CCSER1: variants seen among roughly 807,000 people sequenced by gnomAD.
CCSER1 encodes coiled-coil serine rich protein 1.
A neutral mutation model predicts 82.0 loss-of-function variants in CCSER1; 41 were observed. The ratio of observed to expected loss-of-function variants is 0.50; its 90% confidence interval spans 0.39 to 0.65. CCSER1 has a LOEUF of 0.65. Among genes scored for constraint, CCSER1 ranks in the 30% least tolerant of loss-of-function variants. The probability of loss-of-function intolerance (pLI) is 0.00; values close to 1 mark genes in which losing one functional copy is unlikely to be tolerated. For synonymous variants in CCSER1, 414 were observed against 383.9 expected (o/e 1.08, Z -0.92); for missense variants, 1,119 against 1,064.2 (o/e 1.05, Z -0.72).
chr4:91,557,966 A>G (rs1762479847), intron 10 of CCSER1, among the ~76,000 whole-genome samples: 1 of 151,312 alleles, frequency 6.6e-6, no homozygotes, highest in African/African-American at 2.4e-5. Flanking sequence ...AAAATACACA[A>G]AAAAAGATAT....
intron 7 of CCSER1, chr4:90,781,376 T>C (rs987127753): frequency 2.0e-6 from 2 of 985,316 alleles, no homozygotes; most frequent in Admixed American, 6.1e-5. Flanking sequence ...GAATCCTGGT[T>C]ACTGGGGCTT....
intron 4 of CCSER1, among the ~76,000 whole-genome samples, chr4:90,404,528 G>A (rs1205366947): frequency 6.6e-6 from 1 of 152,166 alleles, no homozygotes; most frequent in Non-Finnish European, 1.5e-5. Flanking sequence ...CTTCTTGAAA[G>A]TGTTACTTCC....
chr4:90,552,161 T>C (rs1777596751), intron 5 of CCSER1, among the ~76,000 whole-genome samples: 1 of 152,160 alleles, frequency 6.6e-6, no homozygotes, highest in Admixed American at 6.5e-5. Flanking sequence ...TACTATCACA[T>C]TGGCCATTAA....
rs955640813 is a variant in CCSER1 at position 90,781,342 on chromosome 4, A to G, written c.2011-34420A>G. 3.3e-5 allele frequency: 33 copies of G among 985,266 alleles called. No homozygotes were observed. The Admixed American group carries it at 5.5e-4, about 17-fold the overall frequency. 61.0% of individuals were successfully genotyped at this position (985,266 alleles called of 1,614,324 possible). A position where few individuals can be genotyped will look rare whatever the true frequency, so the allele number is the denominator to read the frequency against. On this transcript the variant is annotated intron_variant, in intron 7 of 10. Coordinates refer to ENST00000509176, the MANE Select transcript of CCSER1 (RefSeq NM_001145065.2). ...GTGATTCATCAAATATGAATGTGCA[A>G]ACCTCTTTTGTACTGTATCTGTGGA...
At chr4:91,140,048 T>C (rs1447430643) in intron 10 of CCSER1, among the ~76,000 whole-genome samples, 1 of 152,094 alleles carries the variant, frequency 6.6e-6, no homozygotes, top group Non-Finnish European at 1.5e-5. Context: ...TGCACAGAAA[T>C]AATGAAAAAT....
At chr4:90,169,339 T>G (rs1193951520) in intron 1 of CCSER1, among the ~76,000 whole-genome samples, 1 of 152,156 alleles carries the variant, frequency 6.6e-6, no homozygotes, top group Non-Finnish European at 1.5e-5. Context: ...ATCCTGAGAC[T>G]TTGCTGAAGT....
chr4:91,593,861 T>C (rs994003361), intron 10 of CCSER1, among the ~76,000 whole-genome samples: 14 of 152,184 alleles, frequency 9.2e-5, no homozygotes, highest in African/African-American at 3.4e-4. Context: ...TTGTTTTTCA[T>C]TTCTTAGTGG....
intron 10 of CCSER1, among the ~76,000 whole-genome samples, chr4:91,489,231 A>G (rs1189248073): frequency 1.3e-5 from 2 of 152,184 alleles, no homozygotes; most frequent in Non-Finnish European, 2.9e-5. Context: ...TAGAAGAGGT[A>G]TTGGGGTAGA....
chr4:91,518,970 C>T (rs899481297), intron 10 of CCSER1, among the ~76,000 whole-genome samples: 1 of 152,136 alleles, frequency 6.6e-6, no homozygotes, highest in African/African-American at 2.4e-5. Flanking sequence ...GAGGTTCCAG[C>T]GTATTGACTA....
intron 10 of CCSER1, among the ~76,000 whole-genome samples, chr4:91,260,184 C>T (rs1740995571): frequency 6.6e-6 from 1 of 152,146 alleles, no homozygotes; most frequent in Admixed American, 6.5e-5. Context: ...GGTGAGCTTA[C>T]ACTTTCTCCT....
At chr4:91,451,946 C>T (rs1755893167) in intron 10 of CCSER1, among the ~76,000 whole-genome samples, 1 of 151,980 alleles carries the variant, frequency 6.6e-6, no homozygotes, top group Non-Finnish European at 1.5e-5. Flanking sequence ...AAAAGGTACT[C>T]TGGACTGGGC....
At chr4:90,260,606 A>G (rs1724140173) in intron 1 of CCSER1, among the ~76,000 whole-genome samples, 1 of 152,152 alleles carries the variant, frequency 6.6e-6, no homozygotes. Context: ...TTTACATGGA[A>G]TATCTTTTTC....
At chr4:90,359,685 C>T (rs1196982099) in intron 3 of CCSER1, among the ~76,000 whole-genome samples, 4 of 151,116 alleles carry the variant, frequency 2.6e-5, no homozygotes, top group Non-Finnish European at 4.4e-5. Flanking sequence ...TGCAGTGAGC[C>T]GACATGTCAC....
At chr4:90,452,559 C>G (rs546972973) in intron 4 of CCSER1, among the ~76,000 whole-genome samples, 60 of 152,308 alleles carry the variant, frequency 3.9e-4, no homozygotes, top group African/African-American at 1.4e-3. Flanking sequence ...CCTTAGGTAC[C>G]CTATGGGGTG....
chr4:90,413,981 A>AATATATATATATATATATATATAT (rs70963066), intron 4 of CCSER1, among the ~76,000 whole-genome samples: 17 of 52,428 alleles, frequency 3.2e-4, no homozygotes, highest in African/African-American at 1.0e-3. Context: ...AAAAAAAAAA[A>AATATATATATATATATATATATAT]ATATATATAT....
chr4:91,268,409 T>G (rs1260454644), intron 10 of CCSER1, among the ~76,000 whole-genome samples: 1 of 152,198 alleles, frequency 6.6e-6, no homozygotes, highest in Admixed American at 6.5e-5. Context: ...ATCTCACAAA[T>G]CTGTTATTTT....
chr4:91,378,316 A>C (rs1168659918), intron 10 of CCSER1, among the ~76,000 whole-genome samples: 1 of 152,190 alleles, frequency 6.6e-6, no homozygotes, highest in Non-Finnish European at 1.5e-5. Context: ...TGTGGATGGC[A>C]TTGAATCTAT....
chr4:90,499,374 C>G (rs1310492775), intron 5 of CCSER1, among the ~76,000 whole-genome samples: 3 of 152,034 alleles, frequency 2.0e-5, no homozygotes, highest in Admixed American at 2.0e-4. Context: ...CTGCCCTTAC[C>G]AATGCTGAAG....
intron 10 of CCSER1, among the ~76,000 whole-genome samples, chr4:91,361,737 G>GTT (rs1392792328): frequency 6.6e-6 from 1 of 151,738 alleles, no homozygotes; most frequent in African/African-American, 2.4e-5. Context: ...ATACGGAAGT[G>GTT]TTTTTGCTAT....
Sources: gnomAD v4.1 joint callset for allele counts (sites outside exome capture counted in the v4.1 genomes callset) on GRCh38, gnomAD v4.1.1 for gene constraint, MANE v1.5 for transcripts, NCBI Gene and HGNC (gene_info 2026-07-23, HGNC 2026-07-21) for gene names.